The following ZBTB20 variants were observed in gnomAD, a reference collection of about 807,000 sequenced individuals.
ZBTB20 encodes zinc finger and BTB domain-containing protein 20.
ZBTB20 carries 9 observed loss-of-function variants against 56.9 expected under a neutral mutation model. The ratio of observed to expected loss-of-function variants is 0.16; its 90% CI spans 0.10 to 0.28. The LOEUF (loss-of-function observed/expected upper bound fraction) is 0.28. Among genes scored for constraint, ZBTB20 ranks in the 10% least tolerant of loss-of-function variants. The probability of loss-of-function intolerance (pLI) is 1.00; values close to 1 mark genes in which losing one functional copy is unlikely to be tolerated. For missense variants in ZBTB20, 655 were observed against 1,003.0 expected, an observed-to-expected ratio of 0.65 and a Z score of 4.69; for synonymous variants, 417 against 420.7, an observed-to-expected ratio of 0.99 and a Z score of 0.11.
rs1037214237 is a variant in ZBTB20, at chr3:114,317,569, A to T, written c.*21436T>A. 6.6e-6 allele frequency: 1 copy of T among 152,178 alleles called. No individual in the cohort carries two copies. Among genetic ancestry groups the T allele is most frequent in the Non-Finnish European group, 1.5e-5 (1 of 68,040 alleles). The allele number at this position is 152,178 out of a possible 1,614,324, so 9.4% of individuals were successfully genotyped here. On this transcript the variant is annotated 3_prime_UTR_variant, in exon 12 of 12. Coordinates refer to ENST00000675478, the MANE Select transcript of ZBTB20 (RefSeq NM_001348800.3). ...TACTCAATGCTTTAAATGTCCAAAG[A>T]GTGTCATGAAGGGGTTGAAATGTTT...
At chr3:114,882,487 G>T (rs2076434342) in intron 4 of ZBTB20, among the ~76,000 whole-genome samples, 1 of 151,986 alleles carries the variant, frequency 6.6e-6, no homozygotes, top group South Asian at 2.1e-4. Context: ...AAGCTGTTTT[G>T]TAATATTTTT....
intron 6 of ZBTB20, among the ~76,000 whole-genome samples, chr3:114,571,207 A>C (rs2053394355): frequency 6.6e-6 from 1 of 152,240 alleles, no homozygotes; most frequent in Non-Finnish European, 1.5e-5. Context: ...TAATTACTTC[A>C]ATGTGCAAAT....
chr3:114,760,134 TA>T (rs1329279519), intron 5 of ZBTB20, among the ~76,000 whole-genome samples: 2 of 152,102 alleles, frequency 1.3e-5, no homozygotes, highest in Admixed American at 6.6e-5. Context: ...AACATACAAA[TA>T]AAAAAATTTT....
chr3:114,927,311 C>T (rs1032654643), intron 3 of ZBTB20, among the ~76,000 whole-genome samples: 1 of 152,208 alleles, frequency 6.6e-6, no homozygotes, highest in African/African-American at 2.4e-5. Context: ...GTTCATCTTA[C>T]ATATGTTGAT....
At chr3:114,748,334 C>CT (rs762103705) in intron 5 of ZBTB20, among the ~76,000 whole-genome samples, 5,159 of 54,056 alleles carry the variant, frequency 0.095, 87 homozygotes, top group Middle Eastern at 0.16. Flanking sequence ...TTCTTTCTTT[C>CT]TTCTTTCTTT....
intron 6 of ZBTB20, among the ~76,000 whole-genome samples, chr3:114,508,115 C>T (rs1055523554): frequency 7.2e-5 from 11 of 151,908 alleles, no homozygotes; most frequent in Non-Finnish European, 1.6e-4. Flanking sequence ...TTTGAAGGTC[C>T]AGAAAGTAAT....
At chr3:115,128,572 G>A (rs2084402794) in intron 1 of ZBTB20, among the ~76,000 whole-genome samples, 2 of 151,854 alleles carry the variant, frequency 1.3e-5, no homozygotes, top group South Asian at 4.2e-4. Flanking sequence ...GCTGAAGCAT[G>A]AGAATCGCTT....
chr3:114,800,834 T>C (rs2071652930), intron 5 of ZBTB20, among the ~76,000 whole-genome samples: 1 of 151,820 alleles, frequency 6.6e-6, no homozygotes, highest in African/African-American at 2.4e-5. Flanking sequence ...TGTGTGTCAC[T>C]GTGCTCATGC....
intron 1 of ZBTB20, among the ~76,000 whole-genome samples, chr3:115,138,739 A>G (rs911985687): frequency 2.6e-5 from 4 of 152,136 alleles, no homozygotes; most frequent in African/African-American, 9.6e-5. Context: ...AAATGCAGAT[A>G]TAACCAATGA....
chr3:114,757,740 T>C (rs969553891), intron 5 of ZBTB20, among the ~76,000 whole-genome samples: 5 of 152,100 alleles, frequency 3.3e-5, no homozygotes, highest in African/African-American at 1.2e-4. Context: ...AAATAGGATA[T>C]AGTAAGAGAA....
chr3:114,390,499 T>A (rs1474797458), intron 7 of ZBTB20, among the ~76,000 whole-genome samples: 1 of 152,216 alleles, frequency 6.6e-6, no homozygotes, highest in East Asian at 1.9e-4. Context: ...ACCCTATTTT[T>A]TCCCCTATAC....
chr3:114,579,655 A>G (rs1392301682), intron 6 of ZBTB20, among the ~76,000 whole-genome samples: 1 of 151,426 alleles, frequency 6.6e-6, no homozygotes, highest in Non-Finnish European at 1.5e-5. Context: ...GTTTTTGTAA[A>G]GAAGTAAATG....
At chr3:114,772,260 G>C (rs2069266388) in intron 5 of ZBTB20, among the ~76,000 whole-genome samples, 1 of 152,126 alleles carries the variant, frequency 6.6e-6, no homozygotes, top group Admixed American at 6.6e-5. Flanking sequence ...AGAATCGCTT[G>C]AACCTGGGAG....
At chr3:114,477,882 T>TTTTCTTTC (rs146876949) in intron 7 of ZBTB20, among the ~76,000 whole-genome samples, 2 of 147,396 alleles carry the variant, frequency 1.4e-5, no homozygotes, top group African/African-American at 5.0e-5. Flanking sequence ...TTCCTTCCTT[T>TTTTCTTTC]TTTCTTTCTT....
chr3:114,992,237 A>C lies in ZBTB20; in HGVS notation c.-506-17821T>G, dbSNP rs188487774. ...AAGTGCAAGAGTAAATATGTCAGCA[A>C]CTGAAAAATTAGGGCAACATGATCC... On this transcript the variant is annotated intron_variant, in intron 2 of 11. Transcript: ENST00000675478. Among the ~76,000 whole-genome samples the C allele has an allele frequency of 7.0e-4, 107 of 152,162 alleles. 1 individual carries two copies. In the Middle Eastern group the frequency reaches 0.024, roughly 34 times the overall value.
intron 2 of ZBTB20, among the ~76,000 whole-genome samples, chr3:115,022,503 A>G (rs2108308291): frequency 6.6e-6 from 1 of 151,200 alleles, no homozygotes; most frequent in Admixed American, 6.6e-5. Context: ...GCTTTTTAGA[A>G]ATAGTCAAGA....
intron 5 of ZBTB20, among the ~76,000 whole-genome samples, chr3:114,744,627 T>A (rs983846092): frequency 1.3e-5 from 2 of 152,026 alleles, no homozygotes; most frequent in Non-Finnish European, 2.9e-5. Flanking sequence ...GATCAGGTGG[T>A]AAATAATAAT....
intron 1 of ZBTB20, among the ~76,000 whole-genome samples, chr3:115,105,001 A>C (rs1247142063): frequency 6.6e-6 from 1 of 152,202 alleles, no homozygotes; most frequent in Non-Finnish European, 1.5e-5. Flanking sequence ...CATCGATTTT[A>C]CTATGAAACT....
intron 5 of ZBTB20, among the ~76,000 whole-genome samples, chr3:114,746,896 C>T (rs1034331117): frequency 2.6e-5 from 4 of 152,094 alleles, no homozygotes; most frequent in African/African-American, 9.7e-5. Context: ...ACATGAACAC[C>T]ATCTCATGCA....
Sources: allele counts gnomAD v4.1 joint callset (sites outside exome capture counted in the v4.1 genomes callset), GRCh38; gene constraint gnomAD v4.1.1; transcripts MANE v1.5; gene names NCBI Gene and HGNC (gene_info 2026-07-23, HGNC 2026-07-21).